CSMD3: variants seen among roughly 807,000 people sequenced by gnomAD.
CSMD3 encodes CUB and Sushi multiple domains 3, also known as CUB and sushi domain-containing protein 3.
A neutral mutation model predicts 435.2 loss-of-function variants in CSMD3; 177 were observed. That is an observed-to-expected ratio of 0.41 (90% CI 0.36 to 0.46). The LOEUF (loss-of-function observed/expected upper bound fraction) is 0.46, where lower values mean the gene tolerates loss of function less well. Among genes scored for constraint, CSMD3 ranks in the 20% least tolerant of loss-of-function variants. The probability of loss-of-function intolerance (pLI) is 0.34; values close to 1 mark genes in which losing one functional copy is unlikely to be tolerated. For missense variants in CSMD3, 4,265 were observed against 4,504.6 expected (o/e 0.95, Z 1.52); for synonymous variants, 1,656 against 1,520.5 (o/e 1.09, Z -2.07).
intron 3 of CSMD3, among the ~76,000 whole-genome samples, chr8:113,255,732 G>C (rs2093374305): frequency 6.6e-6 from 1 of 151,802 alleles, no homozygotes; most frequent in South Asian, 2.1e-4. Context: ...CTTAGATTTT[G>C]AATCTGAAAA....
In CSMD3 at chr8:112,336,816, C is replaced by T. The variant is rs1274893331; in HGVS notation, c.6855G>A (p.Gly2285=). The change falls in exon 44 of 71, where the codon GGG becomes GGA. Residue 2285 remains glycine (G), a synonymous_variant. Transcript: ENST00000297405. ...TGGTGCCATTCATTGCAGTTATATT[C>T]CCACCACAAAGAGCTACGGAAAAAG... The part of the protein sequence containing the change: ...PLPRCEALCG[G]NITAMNGTIY... 1.9e-6 allele frequency: 3 copies of T among 1,612,508 alleles called. No individual in the cohort carries two copies. Among genetic ancestry groups the T allele is most frequent in the Non-Finnish European group, 2.5e-6 (3 of 1,178,746 alleles).
chr8:112,354,788 G>GAA (rs1826439138), intron 38 of CSMD3, among the ~76,000 whole-genome samples: 1 of 152,114 alleles, frequency 6.6e-6, no homozygotes, highest in African/African-American at 2.4e-5. Flanking sequence ...CCAATCTACA[G>GAA]ATTCAATGCT....
At position 112,287,224 on chromosome 8, in the gene CSMD3, G is replaced by A. The variant is rs765740296; in HGVS notation, c.9171C>T (p.Gly3057=). The stretch of plus-strand genomic sequence containing the variant: ...AGCCATGGCCGGGAGTACCTGGATC[G>A]CCACATGTCCCAGTAGCATCACCTG... ...HCSGDATGTC[G]DPGTPGHGSR... The change falls in exon 58 of 71, where the codon GGC becomes GGT. Residue 3057 remains glycine, a synonymous_variant. Coordinates refer to ENST00000297405, the MANE Select transcript of CSMD3 (RefSeq NM_198123.2). 4.5e-5 allele frequency: 73 copies of A among 1,613,482 alleles called. No individual in the cohort carries two copies. Among genetic ancestry groups the A allele is most frequent in the South Asian group, 1.4e-4 (13 of 91,080 alleles).
intron 27 of CSMD3, among the ~76,000 whole-genome samples, chr8:112,542,931 A>C (rs1031675629): frequency 7.9e-5 from 12 of 152,174 alleles, no homozygotes; most frequent in African/African-American, 2.9e-4. Context: ...TAACAGGTCC[A>C]CACCATAAGA....
At chr8:112,380,737 G>A (rs1469206797) in intron 37 of CSMD3, among the ~76,000 whole-genome samples, 1 of 152,100 alleles carries the variant, frequency 6.6e-6, no homozygotes, top group South Asian at 2.1e-4. Context: ...CGTTTGACAT[G>A]TTCACCAAAA....
chr8:113,362,738 C>T (rs565918485), intron 1 of CSMD3, among the ~76,000 whole-genome samples: 1 of 152,254 alleles, frequency 6.6e-6, no homozygotes, highest in African/African-American at 2.4e-5. Context: ...CAATATCACA[C>T]TTTAGTTTGA....
rs148373931 is a variant in CSMD3, at chr8:112,491,931, T to C, written c.5278+558A>G. 8.6e-3 allele frequency among the ~76,000 whole-genome samples: 1,305 copies of C among 152,208 alleles called. 17 individuals carry two copies. Among genetic ancestry groups the C allele is most frequent in the African/African-American group, 0.03 (1,259 of 41,516 alleles). On this transcript the variant is annotated intron_variant, in intron 31 of 70. Coordinates refer to ENST00000297405, the MANE Select transcript of CSMD3 (RefSeq NM_198123.2). ...TAACCCTAAGCAATGATATCACTGT[T>C]TCTCTGTTTTTCCTTTCTTATATAG... is the stretch of plus-strand genomic sequence containing the variant.
chr8:112,240,189 A>C (rs1024415095), intron 66 of CSMD3, among the ~76,000 whole-genome samples: 3 of 152,076 alleles, frequency 2.0e-5, no homozygotes, highest in African/African-American at 4.8e-5. Flanking sequence ...TCCTCATTGA[A>C]CTTTAATCAC....
chr8:112,556,715 T>C (rs901826937), intron 25 of CSMD3, 48 bp downstream of exon 25: 35 of 1,475,134 alleles, frequency 2.4e-5, no homozygotes, highest in Non-Finnish European at 3.2e-5. Context: ...AAGAATTTGA[T>C]AAAGTTTTCA....
chr8:112,899,691 ACG>A (rs1491086438), intron 10 of CSMD3, among the ~76,000 whole-genome samples: 19 of 139,694 alleles, frequency 1.4e-4, no homozygotes, highest in African/African-American at 3.2e-4. Context: ...ACACACACAC[ACG>A]TATATAGCCA....
rs147158019 is a variant in CSMD3, at chr8:113,238,578, G to A, written c.514+40014C>T. ...GCAAAAGCCCAGTAGCAACCAAGTAGGTGCTTTGCAAGAAGAGTACAGGGA... is the reference window on the plus strand; with the variant it reads ...GCAAAAGCCCAGTAGCAACCAAGTAAGTGCTTTGCAAGAAGAGTACAGGGA... On this transcript the variant is annotated intron_variant, in intron 3 of 70. Transcript: ENST00000297405. 1.1e-4 allele frequency among the ~76,000 whole-genome samples: 16 copies of A among 152,154 alleles called. No individual in the cohort carries two copies. The East Asian group carries it at 3.1e-3, about 30-fold the overall frequency.
chr8:113,353,767 C>A (rs1001285720), intron 1 of CSMD3, among the ~76,000 whole-genome samples: 1 of 152,196 alleles, frequency 6.6e-6, no homozygotes, highest in African/African-American at 2.4e-5. Flanking sequence ...CCCCCCAAAT[C>A]ATGTAAGGTT....
At chr8:112,461,117 T>A (rs531295001) in intron 32 of CSMD3, among the ~76,000 whole-genome samples, 1 of 152,142 alleles carries the variant, frequency 6.6e-6, no homozygotes, top group Non-Finnish European at 1.5e-5. Context: ...ACCAAACATG[T>A]GTGTTTTAAT....
chr8:112,743,408 A>C (rs1310830201), intron 13 of CSMD3, among the ~76,000 whole-genome samples: 1 of 151,940 alleles, frequency 6.6e-6, no homozygotes, highest in Non-Finnish European at 1.5e-5. Flanking sequence ...TAATAGCAAG[A>C]GCATATCAGT....
chr8:112,868,383 T>A (rs1170365841), intron 10 of CSMD3, among the ~76,000 whole-genome samples: 4 of 152,158 alleles, frequency 2.6e-5, no homozygotes, highest in African/African-American at 9.7e-5. Flanking sequence ...ACCACTAACA[T>A]AGTTGTTTAT....
chr8:112,946,179 T>C (rs777621689), intron 9 of CSMD3, among the ~76,000 whole-genome samples: 19 of 151,858 alleles, frequency 1.3e-4, no homozygotes, highest in Non-Finnish European at 2.5e-4. Context: ...TCAGTAATAT[T>C]GTACATGTTA....
At chr8:112,978,075 T>C (rs2084919599) in intron 6 of CSMD3, among the ~76,000 whole-genome samples, 1 of 152,016 alleles carries the variant, frequency 6.6e-6, no homozygotes, top group South Asian at 2.1e-4. Context: ...CTTTTTATTT[T>C]TGACAGGAAT....
intron 10 of CSMD3, among the ~76,000 whole-genome samples, chr8:112,908,760 GA>G (rs1246140143): frequency 2.0e-5 from 3 of 151,466 alleles, no homozygotes; most frequent in African/African-American, 7.3e-5. Flanking sequence ...TGAAAATGAA[GA>G]AAATTGGAGT....
rs143146879 is a variant in CSMD3 at position 112,931,139 on chromosome 8, C to A, written c.1509-9388G>T. On this transcript the variant is annotated intron_variant, in intron 9 of 70. Transcript: ENST00000297405. ...AAATAAATCTGCCAAAGCAAACATA[C>A]CTTAAATACTTCATCATTTTTTTTA... Among the ~76,000 whole-genome samples, 470 of 152,010 alleles carry A rather than the reference C, an allele frequency of 3.1e-3. 1 individual carries two copies. The highest frequency in any genetic ancestry group is 0.01 in the African/African-American group (434 of 41,424).
Sources: allele counts gnomAD v4.1 joint callset (sites outside exome capture counted in the v4.1 genomes callset), GRCh38; gene constraint gnomAD v4.1.1; transcripts MANE v1.5; gene names NCBI Gene and HGNC (gene_info 2026-07-23, HGNC 2026-07-21).